YTHDC1: variants seen among roughly 807,000 people sequenced by gnomAD.
The protein encoded by YTHDC1 is YTH N6-methyladenosine RNA binding protein C1, also known as YTH domain-containing protein 1.
YTHDC1 carries 12 observed loss-of-function variants against 107.0 expected under a neutral mutation model. The observed-to-expected ratio is 0.11, with a 90% CI of 0.07 to 0.18. The LOEUF is 0.18. Among genes scored for constraint, YTHDC1 ranks in the 10% least tolerant of loss-of-function variants. The pLI is 1.00. For synonymous variants in YTHDC1, 280 were observed against 289.5 expected (o/e 0.97, Z 0.33); for missense variants, 635 against 898.8 (o/e 0.71, Z 3.75).
chr4:68,344,316 T>C (rs1253502268), intron 1 of YTHDC1, among the ~76,000 whole-genome samples: 1 of 87,346 alleles, frequency 1.1e-5, no homozygotes, highest in African/African-American at 4.1e-5. Flanking sequence ...TGCATAACAC[T>C]GATCTTAAAC....
At chr4:68,315,984 G>A (rs1721812568) in intron 16 of YTHDC1, 1 of 170,750 alleles carries the variant, frequency 5.9e-6, no homozygotes, top group Non-Finnish European at 1.2e-5. Context: ...AAAAAGTTCA[G>A]AAATATCTAT....
chr4:68,347,880 A>G (rs898555194), intron 1 of YTHDC1, among the ~76,000 whole-genome samples: 2 of 152,212 alleles, frequency 1.3e-5, no homozygotes, highest in African/African-American at 4.8e-5. Flanking sequence ...AACGAAATAA[A>G]CAATTCCAGT....
At chr4:68,333,205 G>T in intron 5 of YTHDC1, 103 bp downstream of exon 5, 1 of 818,128 alleles carries the variant, frequency 1.2e-6, no homozygotes, top group Non-Finnish European at 2.0e-6. Context: ...AAAAATCAGT[G>T]CTAATGGACA....
At position 68,314,339 on chromosome 4, in the gene YTHDC1, A is replaced by C. The variant is rs770746426; in HGVS notation, c.1960-16T>G. 6.2e-7 allele frequency: 1 copy of C among 1,613,588 alleles called. No individual in the cohort carries two copies. Among genetic ancestry groups the C allele is most frequent in the Non-Finnish European group, 8.5e-7 (1 of 1,179,854 alleles). On this transcript the variant is annotated splice_polypyrimidine_tract_variant and intron_variant, in intron 16 of 16. Transcript: ENST00000344157. The stretch of plus-strand genomic sequence containing the variant: ...CATAATCATGCTAGAAAAGGAAAGA[A>C]ATGTGTTAGGTATGTCAAAAAGGCA...
chr4:68,320,660 T>C (rs1394298786), intron 11 of YTHDC1, among the ~76,000 whole-genome samples: 1 of 152,134 alleles, frequency 6.6e-6, no homozygotes, highest in African/African-American at 2.4e-5. Flanking sequence ...CTTATAAATG[T>C]CATTTTAGGT....
At chr4:68,318,247 C>G (rs986842075) in intron 15 of YTHDC1, among the ~76,000 whole-genome samples, 6 of 152,208 alleles carry the variant, frequency 3.9e-5, no homozygotes, top group Admixed American at 2.0e-4. Context: ...TACAGGCACA[C>G]GCCACCACAC....
At chr4:68,335,894 G>C (rs1473473777) in intron 4 of YTHDC1, among the ~76,000 whole-genome samples, 5 of 151,038 alleles carry the variant, frequency 3.3e-5, no homozygotes, top group African/African-American at 1.2e-4. Flanking sequence ...GAATTCTAGT[G>C]AACAAAAGGT....
At chr4:68,321,140 AAT>A (rs1722406945) in intron 11 of YTHDC1, among the ~76,000 whole-genome samples, 5 of 152,198 alleles carry the variant, frequency 3.3e-5, no homozygotes, top group Admixed American at 1.3e-4. Context: ...TTAGAAAATA[AAT>A]ATATCTTTTT....
chr4:68,316,585 G>A (rs183175491), intron 15 of YTHDC1, 137 bp from the exon 16 acceptor site: 1 of 1,005,680 alleles, frequency 9.9e-7, no homozygotes, highest in Non-Finnish European at 1.4e-6. Context: ...GCATTAAGGT[G>A]TTTCAAAATA....
At chr4:68,349,395 C>T (rs1035191587) in intron 1 of YTHDC1, among the ~76,000 whole-genome samples, 3 of 152,176 alleles carry the variant, frequency 2.0e-5, no homozygotes. Flanking sequence ...GCGTTACATC[C>T]GCATGATCCT....
At chr4:68,343,214 T>TTGGAGACAGAGTCTCTCTCTGTC (rs1238484949) in intron 1 of YTHDC1, among the ~76,000 whole-genome samples, 3 of 152,096 alleles carry the variant, frequency 2.0e-5, no homozygotes, top group African/African-American at 7.2e-5. Flanking sequence ...ATTTGTTTTT[T>TTGGAGACAGAGTCTCTCTCTGTC]TGGAGACAGA....
At position 68,318,739 on chromosome 4, in the gene YTHDC1, A is replaced by G. The variant is rs200395507; in HGVS notation, c.1722-10T>C. 7.4e-6 allele frequency: 12 copies of G among 1,614,058 alleles called. No individual in the cohort carries two copies. Among genetic ancestry groups the G allele is most frequent in the Admixed American group, 1.7e-5 (1 of 60,008 alleles). On this transcript the variant is annotated splice_polypyrimidine_tract_variant and intron_variant, in intron 13 of 16. Transcript: ENST00000344157. The stretch of plus-strand genomic sequence containing the variant: ...AACTCCTGAAAATCGTCTGTTGGGA[A>G]TAAGATTTGTGAAACTAAATTCAGG...
intron 15 of YTHDC1, 110 bp downstream of exon 15, chr4:68,318,409 G>T: frequency 8.6e-7 from 1 of 1,160,768 alleles, no homozygotes; most frequent in Non-Finnish European, 1.2e-6. Flanking sequence ...CGCCTGGCCA[G>T]TTTAAGTCTC....
At chr4:68,334,144 C>T (rs148012790) in intron 4 of YTHDC1, among the ~76,000 whole-genome samples, 54 of 151,962 alleles carry the variant, frequency 3.6e-4, no homozygotes, top group African/African-American at 1.1e-3. Flanking sequence ...TACATGAGGA[C>T]TTGAAATGGA....
intron 10 of YTHDC1, 100 bp downstream of exon 10, chr4:68,324,039 G>T (rs1722715232): frequency 2.0e-6 from 2 of 1,018,034 alleles, no homozygotes; most frequent in Admixed American, 4.9e-5. Context: ...TTCTCACGTG[G>T]TCTCTTTCAT....
In YTHDC1 at chr4:68,311,411, G is replaced by A. The variant is rs892117761; in HGVS notation, c.*2688C>T. On this transcript the variant is annotated 3_prime_UTR_variant, in exon 17 of 17. Transcript: ENST00000344157. ...CTCCAGCCAATAAAATCCCTGACCG[G>A]ATTTCTAAACTCGGAATGACTGAAT... The A allele has an allele frequency of 2.0e-5, 3 of 151,976 alleles. No individual in the cohort carries two copies. Among genetic ancestry groups the A allele is most frequent in the African/African-American group, 7.2e-5 (3 of 41,408 alleles). 9.4% of individuals were successfully genotyped at this position (151,976 alleles called of 1,614,324 possible). A position where few individuals can be genotyped will look rare whatever the true frequency, so the allele number is the denominator to read the frequency against.
chr4:68,311,784 A>C lies in YTHDC1; in HGVS notation c.*2315T>G, dbSNP rs549148101. The C allele has an allele frequency of 1.3e-5, 2 of 152,236 alleles. No homozygotes were observed. The highest frequency in any genetic ancestry group is 4.8e-5 in the African/African-American group (2 of 41,470). 9.4% of individuals were successfully genotyped at this position (152,236 alleles called of 1,614,324 possible). A position where few individuals can be genotyped will look rare whatever the true frequency, so the allele number is the denominator to read the frequency against. On this transcript the variant is annotated 3_prime_UTR_variant, in exon 17 of 17. Coordinates refer to ENST00000344157, the MANE Select transcript of YTHDC1 (RefSeq NM_001031732.4). ...CAATACTAAGCTCAACATACAAAGC[A>C]TAACTTAACATCTAATTGGATGGCA... is the stretch of plus-strand genomic sequence containing the variant.
At chr4:68,332,308 C>T (rs546879889) in intron 6 of YTHDC1, 111 bp from the exon 7 acceptor site, 84 of 585,572 alleles carry the variant, frequency 1.4e-4, no homozygotes, top group South Asian at 5.3e-4. Flanking sequence ...ACTTTTAAAA[C>T]GCAACAATCA....
At chr4:68,341,528 T>C (rs1724800084) in intron 1 of YTHDC1, among the ~76,000 whole-genome samples, 1 of 151,998 alleles carries the variant, frequency 6.6e-6, no homozygotes, top group African/African-American at 2.4e-5. Context: ...CATGGCCCAT[T>C]GCCTATTTAG....
Sources: allele counts gnomAD v4.1 joint callset (sites outside exome capture counted in the v4.1 genomes callset), GRCh38; gene constraint gnomAD v4.1.1; transcripts MANE v1.5; gene names NCBI Gene and HGNC (gene_info 2026-07-23, HGNC 2026-07-21).